The following NALF1 variants were observed in gnomAD, a reference collection of about 807,000 sequenced individuals.
NALF1 encodes the protein family with sequence similarity 155 member A.
In NALF1, 3 loss-of-function variants were observed where a neutral mutation model predicts 48.4. That is an observed-to-expected ratio of 0.06 (90% CI 0.03 to 0.16). The LOEUF (loss-of-function observed/expected upper bound fraction) is 0.16. Among genes scored for constraint, NALF1 ranks in the 10% least tolerant of loss-of-function variants. NALF1 has a pLI of 1.00. For missense variants in NALF1, 526 were observed against 571.5 expected (o/e 0.92, Z 0.81); for synonymous variants, 262 against 245.7 (o/e 1.07, Z -0.62).
intron 1 of NALF1, among the ~76,000 whole-genome samples, chr13:107,532,961 C>T (rs116849473): frequency 1.3e-5 from 2 of 151,994 alleles, no homozygotes; most frequent in East Asian, 1.9e-4. Flanking sequence ...TAGCCATTAA[C>T]ATATTAAAAA....
At chr13:107,753,661 A>G (rs894446399) in intron 1 of NALF1, among the ~76,000 whole-genome samples, 10 of 152,156 alleles carry the variant, frequency 6.6e-5, no homozygotes, top group African/African-American at 2.4e-4. Flanking sequence ...TACTTTCTGC[A>G]TGGGATTTTA....
At chr13:107,239,186 A>G (rs1021451053) in intron 1 of NALF1, among the ~76,000 whole-genome samples, 1 of 152,136 alleles carries the variant, frequency 6.6e-6, no homozygotes, top group Admixed American at 6.6e-5. Context: ...AATCCAACTG[A>G]GTGACTTAAA....
rs576102848 is a variant in NALF1 at position 107,447,709 on chromosome 13, C to A, written c.916-236954G>T. Among the ~76,000 whole-genome samples the A allele has an allele frequency of 2.1e-3, 325 of 152,292 alleles. 1 individual carries two copies. The highest frequency in any genetic ancestry group is 7.6e-3 in the African/African-American group (318 of 41,574). On this transcript the variant is annotated intron_variant, in intron 1 of 2. Coordinates refer to ENST00000375915, the MANE Select transcript of NALF1 (RefSeq NM_001080396.3). Reference sequence around the variant, plus strand: ...AAGAACAGGATCTACACTGTGTCTTCTGTCCAGCTAATTCCGTGGCAGCAG... The same window carrying A: ...AAGAACAGGATCTACACTGTGTCTTATGTCCAGCTAATTCCGTGGCAGCAG...
chr13:107,621,768 G>A (rs1173714301), intron 1 of NALF1, among the ~76,000 whole-genome samples: 4 of 152,156 alleles, frequency 2.6e-5, no homozygotes, highest in Non-Finnish European at 4.4e-5. Context: ...CTGACACCAT[G>A]AGGAAGACCT....
At chr13:107,399,596 C>A (rs558576182) in intron 1 of NALF1, among the ~76,000 whole-genome samples, 2 of 152,186 alleles carry the variant, frequency 1.3e-5, no homozygotes, top group East Asian at 1.9e-4. Flanking sequence ...CATCCTAATC[C>A]TTTTACCTAC....
chr13:107,661,039 G>A (rs1353179477), intron 1 of NALF1, among the ~76,000 whole-genome samples: 4 of 152,216 alleles, frequency 2.6e-5, no homozygotes, highest in Admixed American at 6.5e-5. Context: ...TGAACTCAGA[G>A]TTAATAAAAA....
intron 1 of NALF1, among the ~76,000 whole-genome samples, chr13:107,605,815 G>T (rs5006934): frequency 0.53 from 80,237 of 151,994 alleles, 21,892 homozygotes; most frequent in African/African-American, 0.63. Flanking sequence ...ATTAGTTGAA[G>T]AAAACATTTG....
chr13:107,813,631 C>A (rs1006804194), intron 1 of NALF1, among the ~76,000 whole-genome samples: 2 of 151,414 alleles, frequency 1.3e-5, no homozygotes, highest in Non-Finnish European at 2.9e-5. Context: ...ATAATAGAAA[C>A]TTTCTGTTGA....
intron 1 of NALF1, among the ~76,000 whole-genome samples, chr13:107,344,991 A>C (rs917062709): frequency 6.6e-6 from 1 of 152,242 alleles, no homozygotes; most frequent in Non-Finnish European, 1.5e-5. Flanking sequence ...AAAGTTGAAG[A>C]ATACCAAATG....
At chr13:107,749,876 G>A (rs550907188) in intron 1 of NALF1, among the ~76,000 whole-genome samples, 1 of 152,132 alleles carries the variant, frequency 6.6e-6, no homozygotes, top group East Asian at 1.9e-4. Flanking sequence ...CTGGAATGCA[G>A]TGGTGAGATC....
chr13:107,421,159 C>T (rs1884179434), intron 1 of NALF1, among the ~76,000 whole-genome samples: 1 of 152,118 alleles, frequency 6.6e-6, no homozygotes, highest in Non-Finnish European at 1.5e-5. Context: ...AAAAGTGAAA[C>T]ATCAATTTCA....
At chr13:107,779,059 A>G (rs562859750) in intron 1 of NALF1, among the ~76,000 whole-genome samples, 1 of 152,350 alleles carries the variant, frequency 6.6e-6, no homozygotes, top group African/African-American at 2.4e-5. Flanking sequence ...ATGAGAAGCT[A>G]ATTATTTCAT....
chr13:107,193,225 T>C (rs982201390), intron 2 of NALF1, among the ~76,000 whole-genome samples: 32 of 152,284 alleles, frequency 2.1e-4, no homozygotes, highest in African/African-American at 7.7e-4. Flanking sequence ...GTATAAATAA[T>C]ACAATAAATA....
At chr13:107,555,241 GAGA>G (rs779339052) in intron 1 of NALF1, among the ~76,000 whole-genome samples, 4 of 151,356 alleles carry the variant, frequency 2.6e-5, no homozygotes, top group East Asian at 1.9e-4. Context: ...GTTGTGAGGG[GAGA>G]AGATGTTTGA....
intron 1 of NALF1, among the ~76,000 whole-genome samples, chr13:107,808,184 T>C (rs974290846): frequency 2.0e-5 from 3 of 152,170 alleles, no homozygotes; most frequent in Admixed American, 2.0e-4. Flanking sequence ...TTTTGTAAGG[T>C]TGCAGTAGCC....
chr13:107,811,720 A>G (rs112194702), intron 1 of NALF1, among the ~76,000 whole-genome samples: 116 of 152,304 alleles, frequency 7.6e-4, no homozygotes, highest in Non-Finnish European at 1.4e-3. Context: ...GAAAGCTGGT[A>G]AGTCCAAGAA....
chr13:107,574,476 C>A (rs1057424805), intron 1 of NALF1, among the ~76,000 whole-genome samples: 2 of 152,180 alleles, frequency 1.3e-5, no homozygotes, highest in Admixed American at 1.3e-4. Context: ...TCTGCAAACA[C>A]AAGTACTCAG....
intron 1 of NALF1, among the ~76,000 whole-genome samples, chr13:107,646,446 T>C (rs1880317162): frequency 6.6e-6 from 1 of 152,142 alleles, no homozygotes; most frequent in African/African-American, 2.4e-5. Context: ...AGCCACTGCC[T>C]TAAAATAAAC....
chr13:107,691,936 T>C (rs1274483832), intron 1 of NALF1, among the ~76,000 whole-genome samples: 1 of 152,198 alleles, frequency 6.6e-6, no homozygotes, highest in Non-Finnish European at 1.5e-5. Flanking sequence ...ACATGACATA[T>C]ATCATATCTA....
Sources: allele counts gnomAD v4.1 joint callset (sites outside exome capture counted in the v4.1 genomes callset), GRCh38; gene constraint gnomAD v4.1.1; transcripts MANE v1.5; gene names NCBI Gene and HGNC (gene_info 2026-07-23, HGNC 2026-07-21).